Variants in UPF3B observed in about 807,000 individuals in gnomAD.
UPF3B encodes the protein regulator of nonsense transcripts 3B.
In UPF3B, 7 loss-of-function variants were observed where a neutral mutation model predicts 40.3. That is an observed-to-expected ratio of 0.17 (90% CI 0.10 to 0.33). The LOEUF (loss-of-function observed/expected upper bound fraction) is 0.33. UPF3B is among the 10% of genes least tolerant of loss of function. The pLI, the probability that UPF3B is intolerant of heterozygous loss-of-function variation, is 1.00. For synonymous variants in UPF3B, 117 were observed against 117.3 expected (o/e 1.00, Z 0.01); for missense variants, 229 against 358.9 (o/e 0.64, Z 2.93).
At chrX:119,815,989 C>T (rs2055862094) in intron 4 of UPF3B, among the ~76,000 whole-genome samples, 2 of 111,443 alleles carry the variant, frequency 1.8e-5, no homozygotes, top group African/African-American at 6.5e-5. Flanking sequence ...ACCACGTAGG[C>T]CAGGTTCATC....
chrX:119,821,485 T>C (rs936143050), intron 4 of UPF3B, among the ~76,000 whole-genome samples: 1 of 112,555 alleles, frequency 8.9e-6, no homozygotes, highest in Admixed American at 9.4e-5. Flanking sequence ...TAATACAGTA[T>C]AAAAAATTTA....
At chrX:119,835,111 A>C in intron 10 of UPF3B, 84 bp from the exon 11 acceptor site, 5 of 1,105,050 alleles carry the variant, frequency 4.5e-6, no homozygotes, top group Non-Finnish European at 6.2e-6. Context: ...GTTATGTATG[A>C]ATATATGCTC....
In UPF3B at chrX:119,838,024, A is replaced by G. The variant is rs756540483; in HGVS notation, c.1035T>C (p.Tyr345=). 25 of 1,210,326 alleles carry G rather than the reference A, an allele frequency of 2.1e-5. No homozygotes were observed. The highest frequency in any genetic ancestry group is 2.3e-5 in the Non-Finnish European group (21 of 895,350). The part of the protein sequence containing the change: ...KRPEDESGRD[Y]REREREYERD... ...GTTCATATTCCCGTTCCCTCTCCCT[A>G]TAGTCTCTGCCGCTCTCATCTTCAG... is the stretch of plus-strand genomic sequence containing the variant. Residue 345 remains tyrosine, a synonymous_variant, in exon 10 of 11, where the codon TAT becomes TAC. Transcript: ENST00000276201.
intron 3 of UPF3B, among the ~76,000 whole-genome samples, chrX:119,845,952 C>CA (rs1247128917): frequency 0.022 from 2,420 of 110,446 alleles, 134 homozygotes; most frequent in African/African-American, 0.074. Context: ...TATATGTATA[C>CA]ATTATGTATA....
rs2056069928 is a variant in UPF3B, at chrX:119,834,464, T to G, written c.*414A>C. 1.2e-6 allele frequency: 1 copy of G among 843,044 alleles called. No individual in the cohort carries two copies. Among genetic ancestry groups the G allele is most frequent in the Non-Finnish European group, 1.4e-6 (1 of 695,790 alleles). The allele number at this position is 843,044 out of a possible 1,213,427, so 69.5% of individuals were successfully genotyped here. ...TCATCAACAATACAATAGAATTAGA[T>G]CGGAACAAGGCTTCAAAGCGACTCT... is the stretch of plus-strand genomic sequence containing the variant. On this transcript the variant is annotated 3_prime_UTR_variant, in exon 11 of 11. Coordinates refer to ENST00000276201, the MANE Select transcript of UPF3B (RefSeq NM_080632.3).
rs780819895 is a variant in UPF3B at position 119,844,343 on chromosome X, G to A, written c.469+855C>T. Among the ~76,000 whole-genome samples, 44 of 111,032 alleles carry A rather than the reference G, an allele frequency of 4.0e-4. No homozygotes were observed. The South Asian group carries it at 6.0e-3, about 15-fold the overall frequency. ...TGGGATTATAGGAGTGAGCCACCGC[G>A]CCTGGCCTCAGTTCTTCTATTCCTG... On this transcript the variant is annotated intron_variant, in intron 4 of 10. Coordinates refer to ENST00000276201, the MANE Select transcript of UPF3B (RefSeq NM_080632.3).
At position 119,852,767 on chromosome X, in the gene UPF3B, G is replaced by A; in HGVS notation, c.156+6C>T. The A allele has an allele frequency of 8.2e-7, 1 of 1,212,222 alleles. No homozygotes were observed. The highest frequency in any genetic ancestry group is 1.1e-6 in the Non-Finnish European group (1 of 895,631). ...CCCTCTCCCGGGCCAGCGGCCGACC[G>A]GGCACCTTGCTCAGCGCTTCTTTCT... is the stretch of plus-strand genomic sequence containing the variant. On this transcript the variant is annotated splice_donor_region_variant and intron_variant, in intron 1 of 10. Transcript: ENST00000276201.
rs191075345 is a variant in UPF3B at position 119,842,547 on chromosome X, T to C, written c.580+644A>G. 2.6e-3 allele frequency among the ~76,000 whole-genome samples: 278 copies of C among 105,343 alleles called. 1 individual carries two copies. The highest frequency in any genetic ancestry group is 9.7e-3 in the Middle Eastern group (2 of 207). The allele number at this position is 105,343 out of a possible 115,157, so 91.5% of individuals were successfully genotyped here. On this transcript the variant is annotated intron_variant, in intron 5 of 10. Transcript: ENST00000276201. ...GTGAGCCGAGATTGCGACACTGCAC[T>C]CCAGCCTGGGCGACAGAGCAAGACT...
chrX:119,847,483 C>T (rs756223504), intron 3 of UPF3B, among the ~76,000 whole-genome samples: 1 of 110,530 alleles, frequency 9.0e-6, no homozygotes, highest in South Asian at 3.9e-4. Flanking sequence ...AAAGAACTAC[C>T]GGCGGGGCAC....
chrX:119,843,131 G>T, intron 5 of UPF3B, 60 bp downstream of exon 5: 1 of 768,890 alleles, frequency 1.3e-6, no homozygotes, highest in Non-Finnish European at 2.0e-6. Flanking sequence ...ACTGATGGAG[G>T]TAGGAGACTT....
downstream of UPF3B, among the ~76,000 whole-genome samples, chrX:119,830,001 T>C (rs979923629): frequency 2.7e-5 from 3 of 112,037 alleles, no homozygotes; most frequent in Non-Finnish European, 5.6e-5. Context: ...TTTCCCTTCC[T>C]TTAATCCTGT....
intron 1 of UPF3B, 37 bp downstream of exon 1, chrX:119,852,736 G>A: frequency 1.7e-6 from 2 of 1,211,472 alleles, no homozygotes; most frequent in African/African-American, 1.7e-5. Flanking sequence ...CTGCGGACTC[G>A]TCCCGCCCTC....
At chrX:119,849,375 C>T (rs1336486344) in intron 3 of UPF3B, among the ~76,000 whole-genome samples, 1 of 109,375 alleles carries the variant, frequency 9.1e-6, no homozygotes, top group Non-Finnish European at 1.9e-5. Context: ...ACCTGTAATC[C>T]CAGCTAAGTC....
intron 5 of UPF3B, among the ~76,000 whole-genome samples, chrX:119,813,097 G>A (rs942742504): frequency 9.0e-6 from 1 of 111,722 alleles, no homozygotes. Context: ...ACATAAAGTG[G>A]TGATTAAGAA....
chrX:119,828,823 C>T (rs756236836), intron 3 of UPF3B, among the ~76,000 whole-genome samples: 7 of 110,797 alleles, frequency 6.3e-5, no homozygotes, highest in Non-Finnish European at 1.3e-4. Flanking sequence ...TGGGTTCAAG[C>T]GATTCTCCTG....
Position 119,843,213 on chromosome X carries a change from T to C in UPF3B, c.558A>G (p.Glu186=). The C allele has an allele frequency of 8.3e-7, 1 of 1,203,354 alleles. No individual in the cohort carries two copies. The highest frequency in any genetic ancestry group is 1.7e-5 in the African/African-American group (1 of 57,691). The part of the protein sequence containing the change: ...STPETLLEEI[E]AKNRELIAKK... ...TACCTATTAATTCTCTATTTTTTGC[T>C]TCTATTTCCTCTAGCAGTGTCTCTG... is the stretch of plus-strand genomic sequence containing the variant. The change falls in exon 5 of 11, where the codon GAA becomes GAG. Residue 186 remains glutamate, a synonymous_variant. Coordinates refer to ENST00000276201, the MANE Select transcript of UPF3B (RefSeq NM_080632.3).
intron 3 of UPF3B, among the ~76,000 whole-genome samples, chrX:119,825,281 C>T (rs2055969035): frequency 9.0e-6 from 1 of 111,231 alleles, no homozygotes; most frequent in Non-Finnish European, 1.9e-5. Context: ...ATAGGAAAAA[C>T]TGCCTTGTAT....
chrX:119,829,029 C>CT (rs953697979), downstream of UPF3B, among the ~76,000 whole-genome samples: 3 of 109,260 alleles, frequency 2.7e-5, no homozygotes, highest in African/African-American at 1.0e-4. Flanking sequence ...CCAATTCTTT[C>CT]TTTTTTTTCT....
At chrX:119,815,134 G>A (rs2055854149) in intron 5 of UPF3B, 1 of 599,350 alleles carries the variant, frequency 1.7e-6, no homozygotes, top group Admixed American at 8.6e-5. Context: ...CCAAGGTGCT[G>A]GGATTACAGG....
Sources: gnomAD v4.1 joint callset for allele counts (sites outside exome capture counted in the v4.1 genomes callset) on GRCh38, gnomAD v4.1.1 for gene constraint, MANE v1.5 for transcripts, NCBI Gene and HGNC (gene_info 2026-07-23, HGNC 2026-07-21) for gene names.